GMPR: variants seen among roughly 807,000 people sequenced by gnomAD.
The protein encoded by GMPR is guanosine monophosphate reductase.
Under a neutral mutation model 38.4 loss-of-function variants are expected in GMPR, and 31 were observed. The observed-to-expected ratio is 0.81, with a 90% CI of 0.61 to 1.09. The LOEUF is 1.09. Ranked by LOEUF, GMPR falls within the 50% of genes least tolerant of loss-of-function variation. The pLI is 0.00. For synonymous variants in GMPR, 162 were observed against 173.3 expected (o/e 0.93, Z 0.51); for missense variants, 468 against 453.7 (o/e 1.03, Z -0.29).
intron 4 of GMPR, among the ~76,000 whole-genome samples, chr6:16,261,891 A>G (rs1759093060): frequency 6.6e-6 from 1 of 151,916 alleles, no homozygotes; most frequent in South Asian, 2.1e-4. Flanking sequence ...ATTGGGAAGA[A>G]GGGCGGCAAT....
chr6:16,254,202 A>G (rs1366471313), intron 3 of GMPR, among the ~76,000 whole-genome samples: 1 of 152,154 alleles, frequency 6.6e-6, no homozygotes, highest in Non-Finnish European at 1.5e-5. Context: ...AAGTGCTGGG[A>G]TTACAGGCAT....
chr6:16,288,564 G>C (rs1029697454), intron 7 of GMPR, among the ~76,000 whole-genome samples: 5 of 152,184 alleles, frequency 3.3e-5, no homozygotes, highest in African/African-American at 1.2e-4. Context: ...CCTGTGCGGC[G>C]GGAGCCTCCC....
chr6:16,286,363 C>T (rs1759678544), intron 7 of GMPR, among the ~76,000 whole-genome samples: 1 of 151,880 alleles, frequency 6.6e-6, no homozygotes, highest in African/African-American at 2.4e-5. Context: ...GACGCTCCAG[C>T]CTCTCAACAC....
In GMPR at chr6:16,254,693, C is replaced by T. The variant is rs759586128; in HGVS notation, c.423C>T (p.Phe141=). Reference sequence around the variant, plus strand: ...GGTATTCAGAACATTTTGTGGAATTCGTGAAACTTGTCCGTGCCAAATTTC... The same window carrying T: ...GGTATTCAGAACATTTTGTGGAATTTGTGAAACTTGTCCGTGCCAAATTTC... The part of the protein sequence containing the change: ...ANGYSEHFVE[F]VKLVRAKFPE... The change falls in exon 4 of 9, where the codon TTC becomes TTT. Residue 141 remains phenylalanine, a synonymous_variant. Transcript: ENST00000259727. 6.8e-6 allele frequency: 11 copies of T among 1,613,658 alleles called. No homozygotes were observed. Among genetic ancestry groups the T allele is most frequent in the Non-Finnish European group, 9.3e-6 (11 of 1,179,726 alleles).
chr6:16,277,028 A>AC (rs1191096436), intron 5 of GMPR, among the ~76,000 whole-genome samples: 4 of 151,888 alleles, frequency 2.6e-5, no homozygotes, highest in Admixed American at 2.0e-4. Context: ...TGAGGCCCCC[A>AC]CCCCCGGATC....
chr6:16,252,504 CT>C (rs1581648867), intron 3 of GMPR, among the ~76,000 whole-genome samples: 1 of 152,150 alleles, frequency 6.6e-6, no homozygotes, highest in East Asian at 1.9e-4. Context: ...TCCTAAAGTG[CT>C]GGGATTATAG....
chr6:16,285,724 TG>T, intron 6 of GMPR, 68 bp from the exon 7 acceptor site: 6 of 1,342,940 alleles, frequency 4.5e-6, no homozygotes, highest in Non-Finnish European at 5.3e-6. Context: ...CTAGGTCATC[TG>T]GGGGGAGGGG....
At chr6:16,281,852 G>T (rs537421987) in intron 6 of GMPR, among the ~76,000 whole-genome samples, 2 of 152,268 alleles carry the variant, frequency 1.3e-5, no homozygotes, top group South Asian at 4.2e-4. Flanking sequence ...TCCTAGATGG[G>T]GTTAGGAGTT....
chr6:16,266,438 C>T (rs1278470532), intron 4 of GMPR, among the ~76,000 whole-genome samples: 11 of 82,660 alleles, frequency 1.3e-4, no homozygotes, highest in South Asian at 4.0e-4. Context: ...GGTGGCACGT[C>T]GGACGTGCCA....
chr6:16,295,321 T>C lies in GMPR; in HGVS notation c.*135T>C, dbSNP rs1034119765. On this transcript the variant is annotated 3_prime_UTR_variant, in exon 9 of 9. Transcript: ENST00000259727. ...ATGCTGTGTCCTCTCTTCTGTCTCC[T>C]GCTGCCTGGAGGCTTCGGGGCTCTC... The C allele has an allele frequency of 2.2e-5, 15 of 671,984 alleles. No individual in the cohort carries two copies. The highest frequency in any genetic ancestry group is 1.6e-4 in the Admixed American group (4 of 25,262). 41.6% of individuals were successfully genotyped at this position (671,984 alleles called of 1,614,324 possible). A position where few individuals can be genotyped will look rare whatever the true frequency, so the allele number is the denominator to read the frequency against.
At chr6:16,270,112 A>G (rs1581658928) in intron 4 of GMPR, among the ~76,000 whole-genome samples, 3 of 152,252 alleles carry the variant, frequency 2.0e-5, no homozygotes, top group Non-Finnish European at 2.9e-5. Context: ...CATTCAGACC[A>G]TACCAACTTT....
In GMPR at chr6:16,250,347, A is replaced by G. The variant is rs1466691616; in HGVS notation, c.271A>G (p.Asn91Asp). 1.2e-6 allele frequency: 2 copies of G among 1,602,638 alleles called. No individual in the cohort carries two copies. The highest frequency in any genetic ancestry group is 1.1e-5 in the South Asian group (1 of 90,868). ...GGATGACTGGAAGCTCTTTGCCACA[A>G]ATCACCCAGAATGCCTGCAGGTACG... ...SLDDWKLFATNHPECLQNVAV... is the reference protein window; with the variant it reads ...SLDDWKLFATDHPECLQNVAV... The change falls in exon 3 of 9, where the codon AAT (asparagine) becomes GAT (aspartate). Residue 91 changes from asparagine (N) to aspartate (D), a missense_variant. Physicochemically the swap from Asn to Asp is conservative, Grantham distance 23 (BLOSUM62 1). Transcript: ENST00000259727.
chr6:16,267,721 G>C (rs1038796324), intron 4 of GMPR, among the ~76,000 whole-genome samples: 1 of 152,196 alleles, frequency 6.6e-6, no homozygotes, highest in African/African-American at 2.4e-5. Context: ...AGGTCCCTGT[G>C]TTGGCTCTGG....
intron 4 of GMPR, among the ~76,000 whole-genome samples, chr6:16,261,362 C>T (rs1184536049): frequency 6.6e-6 from 1 of 151,632 alleles, no homozygotes; most frequent in Non-Finnish European, 1.5e-5. Flanking sequence ...TGAAGCTTTG[C>T]AACAGTACAG....
chr6:16,254,840 G>A (rs1262507882), intron 4 of GMPR, 105 bp downstream of exon 4: 2 of 747,950 alleles, frequency 2.7e-6, no homozygotes, highest in Non-Finnish European at 4.5e-6. Flanking sequence ...AGCTTTTGGT[G>A]CCTCTTTAGT....
intron 7 of GMPR, among the ~76,000 whole-genome samples, chr6:16,288,772 ACAC>A (rs1759754455): frequency 6.6e-6 from 1 of 152,186 alleles, no homozygotes; most frequent in African/African-American, 2.4e-5. Context: ...GATTGTAAAT[ACAC>A]CAATGGGCAC....
chr6:16,265,644 G>A (rs147843719), intron 4 of GMPR, among the ~76,000 whole-genome samples: 1 of 146,214 alleles, frequency 6.8e-6, no homozygotes, highest in Admixed American at 6.8e-5. Context: ...AAGCAGCACT[G>A]TGTCTAGCTA....
At chr6:16,261,787 G>T (rs1304232585) in intron 4 of GMPR, among the ~76,000 whole-genome samples, 1 of 151,954 alleles carries the variant, frequency 6.6e-6, no homozygotes, top group East Asian at 1.9e-4. Context: ...ATGGTAAGGG[G>T]TGCATGATCG....
At position 16,274,487 on chromosome 6, in the gene GMPR, G is replaced by A. The variant is rs1759441153; in HGVS notation, c.538G>A (p.Val180Ile). The A allele has an allele frequency of 8.8e-6, 14 of 1,591,974 alleles. No homozygotes were observed. Among genetic ancestry groups the A allele is most frequent in the Non-Finnish European group, 1.1e-5 (13 of 1,159,982 alleles). Residue 180 changes from valine to isoleucine, a missense_variant, in exon 5 of 9, where the codon GTT becomes ATT. By Grantham distance (29) the Val-to-Ile change is conservative. Coordinates refer to ENST00000259727, the MANE Select transcript of GMPR (RefSeq NM_006877.4). ...LSGADIIKVG[V>I]GPGSVCTTRT... ...CGGAGCAGATATCATCAAAGTGGGAGTTGGACCAGGTAAGACTTGTTAGGA... is the reference window on the plus strand; with the variant it reads ...CGGAGCAGATATCATCAAAGTGGGAATTGGACCAGGTAAGACTTGTTAGGA...
Sources: gnomAD v4.1 joint callset for allele counts (sites outside exome capture counted in the v4.1 genomes callset) on GRCh38, gnomAD v4.1.1 for gene constraint, MANE v1.5 for transcripts, NCBI Gene and HGNC (gene_info 2026-07-23, HGNC 2026-07-21) for gene names.